AKAP11: variants seen among roughly 807,000 people sequenced by gnomAD.
AKAP11 encodes the protein A-kinase anchor protein 11.
Under a neutral mutation model 146.1 loss-of-function variants are expected in AKAP11, and 36 were observed. The ratio of observed to expected loss-of-function variants is 0.25; its 90% CI spans 0.19 to 0.33. The LOEUF is 0.33. Ranked by LOEUF, AKAP11 falls within the 10% of genes least tolerant of loss-of-function variation. The pLI, the probability that AKAP11 is intolerant of heterozygous loss-of-function variation, is 1.00. For missense variants in AKAP11, 2,201 were observed against 2,197.0 expected (o/e 1.00, Z -0.04); for synonymous variants, 780 against 786.5 (o/e 0.99, Z 0.14).
intron 1 of AKAP11, among the ~76,000 whole-genome samples, chr13:42,281,327 G>A (rs967211373): frequency 1.1e-4 from 17 of 152,254 alleles, no homozygotes; most frequent in South Asian, 4.2e-4. Context: ...GTTCCATGTA[G>A]ACCTGTTGAA....
rs1177094494 is a variant in AKAP11, at chr13:42,299,508, T to C, written c.762T>C (p.Asn254=). Residue 254 remains asparagine, a synonymous_variant, in exon 8 of 13, where the codon AAT becomes AAC. Transcript: ENST00000025301. ...CTAAACCCTCAACTTCCTCAGTGAA[T>C]GTCCTGGGACATAAAGAACTACCTT... ...SLAKPSTSSV[N]VLGHKELPSV... is the part of the protein sequence containing the mutation. The C allele has an allele frequency of 1.2e-6, 2 of 1,613,900 alleles. No homozygotes were observed. The highest frequency in any genetic ancestry group is 4.5e-5 in the East Asian group (2 of 44,894).
chr13:42,272,681 C>T (rs1232324047), intron 1 of AKAP11, among the ~76,000 whole-genome samples: 2 of 152,174 alleles, frequency 1.3e-5, no homozygotes, highest in Admixed American at 1.3e-4. Context: ...GAACAGCATC[C>T]TTCACTGTCA....
At chr13:42,296,978 G>A in intron 5 of AKAP11, 70 bp from the exon 6 acceptor site, 1 of 1,411,568 alleles carries the variant, frequency 7.1e-7, no homozygotes, top group South Asian at 1.5e-5. Flanking sequence ...TTTGGATAGG[G>A]TCCACATTAT....
At chr13:42,311,727 A>G (rs558127014) in intron 9 of AKAP11, among the ~76,000 whole-genome samples, 235 of 152,176 alleles carry the variant, frequency 1.5e-3, no homozygotes, top group African/African-American at 5.4e-3. Flanking sequence ...AGAGTGTTTG[A>G]GATGATTAAT....
At chr13:42,284,305 G>T (rs951600376) in intron 1 of AKAP11, among the ~76,000 whole-genome samples, 2 of 152,208 alleles carry the variant, frequency 1.3e-5, no homozygotes, top group African/African-American at 4.8e-5. Flanking sequence ...TATTTCCAGG[G>T]TTTTGACACG....
chr13:42,301,277 C>A lies in AKAP11; in HGVS notation c.2531C>A (p.Pro844Gln). ...RNICLPSEHN[P>Q]GNQNDFKPTN... ...ATTTGTTTACCTTCAGAACACAATC[C>A]AGGTAATCAGAATGATTTTAAACCA... The change falls in exon 8 of 13, where the codon CCA becomes CAA. Residue 844 changes from proline (P) to glutamine (Q), a missense_variant. This residue lies in a region of AKAP11 where 1,867 missense variants were observed against 1,833.5 expected (regional missense o/e 1.02). Coordinates refer to ENST00000025301, the MANE Select transcript of AKAP11 (RefSeq NM_016248.4). The A allele has an allele frequency of 1.2e-6, 2 of 1,613,786 alleles. No homozygotes were observed. The highest frequency in any genetic ancestry group is 1.7e-6 in the Non-Finnish European group (2 of 1,179,926).
At position 42,301,167 on chromosome 13, in the gene AKAP11, T is replaced by C; in HGVS notation, c.2421T>C (p.Ser807=). The change falls in exon 8 of 13, where the codon TCT becomes TCC. Residue 807 remains serine (S), a synonymous_variant. Transcript: ENST00000025301. ...TACQAKAHLS[S]DDSNSNGDSA... ...GTCAGGCCAAGGCTCATCTGTCATC[T>C]GATGATAGTAATTCAAATGGTGATT... 6.2e-7 allele frequency: 1 copy of C among 1,614,134 alleles called. No homozygotes were observed.
chr13:42,301,893 C>T lies in AKAP11; in HGVS notation c.3147C>T (p.Asn1049=), dbSNP rs760608995. ...SAKDQPLKKH[N]LNSTSLEALS... ...AGGATCAACCACTGAAAAAGCATAA[C>T]TTGAATAGTACATCACTTGAGGCCT... is the stretch of plus-strand genomic sequence containing the variant. Residue 1049 remains asparagine, a synonymous_variant, in exon 8 of 13, where the codon AAC becomes AAT. Transcript: ENST00000025301. 1.2e-6 allele frequency: 2 copies of T among 1,614,152 alleles called. No homozygotes were observed. Among genetic ancestry groups the T allele is most frequent in the East Asian group, 2.2e-5 (1 of 44,886 alleles).
rs964177975 is a variant in AKAP11 at position 42,322,234 on chromosome 13, T to C, written c.*3006T>C. ...AGATATTTGTTGTAAGTTAATTCAA[T>C]TCTTAATACTTTAATTTTGCTCCAA... On this transcript the variant is annotated 3_prime_UTR_variant, in exon 13 of 13. Coordinates refer to ENST00000025301, the MANE Select transcript of AKAP11 (RefSeq NM_016248.4). The C allele has an allele frequency of 6.6e-6, 1 of 152,318 alleles. No homozygotes were observed. Among genetic ancestry groups the C allele is most frequent in the African/African-American group, 2.4e-5 (1 of 41,458 alleles). 9.4% of individuals were successfully genotyped at this position (152,318 alleles called of 1,614,324 possible).
chr13:42,297,887 T>C (rs979293566), intron 6 of AKAP11, among the ~76,000 whole-genome samples: 2 of 31,546 alleles, frequency 6.3e-5, no homozygotes, highest in African/African-American at 9.0e-5. Flanking sequence ...TCTTTATTCG[T>C]ATTTGCTTTA....
At chr13:42,284,368 GTC>G (rs1409012326) in intron 1 of AKAP11, among the ~76,000 whole-genome samples, 2 of 152,202 alleles carry the variant, frequency 1.3e-5, no homozygotes, top group East Asian at 1.9e-4. Flanking sequence ...TTCTTTGACA[GTC>G]TCTGGTTTCT....
intron 3 of AKAP11, among the ~76,000 whole-genome samples, chr13:42,288,136 A>G (rs989434820): frequency 6.6e-6 from 1 of 152,158 alleles, no homozygotes; most frequent in African/African-American, 2.4e-5. Flanking sequence ...ACACTTCCCT[A>G]TTGGCTACTG....
At chr13:42,312,457 G>T (rs553130659) in intron 9 of AKAP11, among the ~76,000 whole-genome samples, 4 of 152,238 alleles carry the variant, frequency 2.6e-5, no homozygotes, top group South Asian at 4.1e-4. Flanking sequence ...GCCATCTACT[G>T]AATTATACAT....
At position 42,319,171 on chromosome 13, in the gene AKAP11, A is replaced by C; in HGVS notation, c.5649A>C (p.Lys1883Asn). ...AVLQYYEVME[K>N]ASSEERCKSL... ...TTCAATACTATGAAGTGATGGAAAA[A>C]GCTTCCAGTGAGGAGAGATGCAAGT... The change falls in exon 13 of 13, where the codon AAA becomes AAC. Residue 1883 changes from lysine to asparagine, a missense_variant. This residue lies in a region of AKAP11 where 1,867 missense variants were observed against 1,833.5 expected (regional missense o/e 1.02). Transcript: ENST00000025301. 1 of 1,614,074 alleles carries C rather than the reference A, an allele frequency of 6.2e-7. No individual in the cohort carries two copies. Among genetic ancestry groups the C allele is most frequent in the Non-Finnish European group, 8.5e-7 (1 of 1,179,968 alleles).
At position 42,319,759 on chromosome 13, in the gene AKAP11, A is replaced by G. The variant is rs1011399190; in HGVS notation, c.*531A>G. On this transcript the variant is annotated 3_prime_UTR_variant, in exon 13 of 13. Transcript: ENST00000025301. ...CATTTTCATATTTCATAGATCAGCT[A>G]TTGGTAGCTTTTTGATTTCCCCAAA... 2 of 152,384 alleles carry G rather than the reference A, an allele frequency of 1.3e-5. No individual in the cohort carries two copies. The highest frequency in any genetic ancestry group is 4.8e-5 in the African/African-American group (2 of 41,436). 9.4% of individuals were successfully genotyped at this position (152,384 alleles called of 1,614,324 possible). A position where few individuals can be genotyped will look rare whatever the true frequency, so the allele number is the denominator to read the frequency against.
intron 11 of AKAP11, among the ~76,000 whole-genome samples, chr13:42,315,649 A>G (rs1317732286): frequency 1.3e-5 from 2 of 152,198 alleles, no homozygotes; most frequent in African/African-American, 2.4e-5. Context: ...CAGGCTGTTA[A>G]GGATTTCTTT....
At chr13:42,273,491 T>C (rs1369103756) in intron 1 of AKAP11, among the ~76,000 whole-genome samples, 1 of 152,204 alleles carries the variant, frequency 6.6e-6, no homozygotes, top group Non-Finnish European at 1.5e-5. Flanking sequence ...GCTGTAACAG[T>C]AATTTATGAA....
rs758994459 is a variant in AKAP11 at position 42,302,322 on chromosome 13, A to G, written c.3576A>G (p.Ser1192=). 1.5e-5 allele frequency: 24 copies of G among 1,614,092 alleles called. No individual in the cohort carries two copies. Among genetic ancestry groups the G allele is most frequent in the Admixed American group, 6.7e-5 (4 of 60,008 alleles). ...AAGTGGATGTGAAGTCGGAGCACTCAGGGAAGAAGGTTCAGTTTGCAGAAG... is the reference window on the plus strand; with the variant it reads ...AAGTGGATGTGAAGTCGGAGCACTCGGGGAAGAAGGTTCAGTTTGCAGAAG... The part of the protein sequence containing the change: ...LPEVDVKSEH[S]GKKVQFAEAL... The change falls in exon 8 of 13, where the codon TCA becomes TCG. Residue 1192 remains serine (S), a synonymous_variant. Transcript: ENST00000025301.
intron 4 of AKAP11, among the ~76,000 whole-genome samples, chr13:42,292,844 A>G (rs1312880410): frequency 6.6e-6 from 1 of 152,204 alleles, no homozygotes; most frequent in Non-Finnish European, 1.5e-5. Flanking sequence ...ACATAGAACA[A>G]ATGCATGATT....
Sources: gnomAD v4.1 joint callset for allele counts (sites outside exome capture counted in the v4.1 genomes callset) on GRCh38, gnomAD v4.1.1 for gene constraint, gnomAD v4.1.1 regional missense constraint, MANE v1.5 for transcripts, NCBI Gene and HGNC (gene_info 2026-07-23, HGNC 2026-07-21) for gene names.